LINC01488: variants seen among roughly 807,000 people sequenced by gnomAD.
LINC01488 encodes the protein long independently transcribed non-coding RNA 1488.
At chr11:69,486,619 G>A (rs998809) in intron 1 of LINC01488, among the ~76,000 whole-genome samples, 22,394 of 152,226 alleles carry the variant, frequency 0.15, 2,111 homozygotes, top group Admixed American at 0.24. Context: ...GTCTTCCTGA[G>A]GGAGGTGCCT....
intron 1 of LINC01488, among the ~76,000 whole-genome samples, chr11:69,483,106 A>G (rs1385772964): frequency 6.6e-6 from 1 of 152,196 alleles, no homozygotes; most frequent in Non-Finnish European, 1.5e-5. Context: ...AGGTCCGTGG[A>G]AGGAGAGAGT....
intron 1 of LINC01488, among the ~76,000 whole-genome samples, chr11:69,489,526 T>A (rs1458918746): frequency 6.6e-6 from 1 of 152,132 alleles, no homozygotes; most frequent in Non-Finnish European, 1.5e-5. Context: ...AGGCCTCCCA[T>A]GTGGTATTTT....
intron 1 of LINC01488, among the ~76,000 whole-genome samples, chr11:69,488,687 G>A (rs1168896680): frequency 1.3e-5 from 2 of 152,252 alleles, no homozygotes; most frequent in Non-Finnish European, 2.9e-5. Flanking sequence ...GGGACACACA[G>A]CTCATGGGTG....
chr11:69,484,070 A>G (rs898155452), intron 1 of LINC01488, among the ~76,000 whole-genome samples: 1 of 152,222 alleles, frequency 6.6e-6, no homozygotes, highest in Non-Finnish European at 1.5e-5. Context: ...GTAAAGGGGA[A>G]CTAGGGCCCT....
At chr11:69,483,821 C>G (rs1391284567) in intron 1 of LINC01488, among the ~76,000 whole-genome samples, 2 of 151,690 alleles carry the variant, frequency 1.3e-5, no homozygotes, top group African/African-American at 4.8e-5. Flanking sequence ...AAGGCCCGGG[C>G]CGGCCCGGCT....
chr11:69,489,326 T>A (rs1857177975), intron 1 of LINC01488, among the ~76,000 whole-genome samples: 1 of 152,222 alleles, frequency 6.6e-6, no homozygotes, highest in Non-Finnish European at 1.5e-5. Context: ...AGGTCTTTCC[T>A]TCTGCCTCCC....
exon 3 of LINC01488, chr11:69,491,203 G>A (rs902525578): frequency 6.6e-6 from 1 of 152,422 alleles, no homozygotes; most frequent in Non-Finnish European, 1.5e-5. Flanking sequence ...CAGTGGTGAG[G>A]TGAAGGTGTG....
chr11:69,484,548 C>T (rs1272970715), intron 1 of LINC01488, among the ~76,000 whole-genome samples: 1 of 152,238 alleles, frequency 6.6e-6, no homozygotes, highest in Non-Finnish European at 1.5e-5. Context: ...TCACAAAGGA[C>T]ACCTCACAAA....
intron 1 of LINC01488, among the ~76,000 whole-genome samples, chr11:69,484,561 C>T (rs914096861): frequency 2.6e-5 from 4 of 152,254 alleles, no homozygotes; most frequent in African/African-American, 7.2e-5. Context: ...CTCACAAAGG[C>T]ACAGCTTTTA....
chr11:69,482,394 A>C (rs2134964415), intron 1 of LINC01488, among the ~76,000 whole-genome samples: 1 of 145,208 alleles, frequency 6.9e-6, no homozygotes, highest in Middle Eastern at 3.5e-3. Flanking sequence ...AAACAATATC[A>C]AGTAGATGGA....
chr11:69,491,678 C>G (rs1353225734), intron 3 of LINC01488: 1 of 152,752 alleles, frequency 6.5e-6, no homozygotes, highest in South Asian at 2.1e-4. Context: ...CTCCTCTCAC[C>G]CATTCCTGCA....
At chr11:69,489,480 C>T (rs147382252) in intron 1 of LINC01488, among the ~76,000 whole-genome samples, 201 of 152,344 alleles carry the variant, frequency 1.3e-3, no homozygotes, top group Non-Finnish European at 2.2e-3. Context: ...ACCTCCAGCG[C>T]GAAATCACTA....
chr11:69,489,286 G>A (rs375807660), intron 1 of LINC01488, among the ~76,000 whole-genome samples: 4 of 152,098 alleles, frequency 2.6e-5, no homozygotes, highest in African/African-American at 9.7e-5. Flanking sequence ...TGGTTTCTCC[G>A]AAACTGAAAT....
intron 1 of LINC01488, among the ~76,000 whole-genome samples, chr11:69,489,717 A>G (rs1857188411): frequency 6.6e-6 from 1 of 152,196 alleles, no homozygotes; most frequent in Admixed American, 6.5e-5. Context: ...GCAAAATCAA[A>G]AAGGCACAAT....
At chr11:69,483,284 G>T (rs1185082128) in intron 1 of LINC01488, among the ~76,000 whole-genome samples, 2 of 152,182 alleles carry the variant, frequency 1.3e-5, no homozygotes, top group Non-Finnish European at 2.9e-5. Flanking sequence ...TCTCTGGTCA[G>T]GACTTACACT....
At chr11:69,484,506 C>G (rs1277043191) in intron 1 of LINC01488, among the ~76,000 whole-genome samples, 4 of 152,208 alleles carry the variant, frequency 2.6e-5, no homozygotes, top group Non-Finnish European at 5.9e-5. Flanking sequence ...AGGTGACTCC[C>G]CTGCCTCCCA....
chr11:69,488,976 G>A (rs1446513030), intron 1 of LINC01488, among the ~76,000 whole-genome samples: 1 of 152,362 alleles, frequency 6.6e-6, no homozygotes, highest in East Asian at 1.9e-4. Context: ...CTGCCAAACT[G>A]TGGGAGAGAT....
intron 1 of LINC01488, chr11:69,488,332 C>G (rs1857157220): frequency 6.6e-6 from 1 of 152,326 alleles, no homozygotes; most frequent in Non-Finnish European, 1.5e-5. Context: ...ACAGCAAGGC[C>G]CAGACAGGTT....
intron 1 of LINC01488, among the ~76,000 whole-genome samples, chr11:69,484,615 G>A (rs1167278883): frequency 1.3e-5 from 2 of 152,236 alleles, no homozygotes; most frequent in African/African-American, 4.8e-5. Flanking sequence ...CACTAGAAAA[G>A]GCCCAGCAGT....
Sources: allele counts gnomAD v4.1 joint callset (sites outside exome capture counted in the v4.1 genomes callset), GRCh38; gene constraint gnomAD v4.1.1; transcripts MANE v1.5; gene names NCBI Gene and HGNC (gene_info 2026-07-23, HGNC 2026-07-21).